The following TYW1B variants were observed in gnomAD, a reference collection of about 807,000 sequenced individuals.
The protein encoded by TYW1B is S-adenosyl-L-methionine-dependent tRNA 4-demethylwyosine synthase TYW1B.
TYW1B carries 73 observed loss-of-function variants against 86.9 expected under a neutral mutation model. The ratio of observed to expected loss-of-function variants is 0.84; its 90% confidence interval spans 0.70 to 1.02. The LOEUF is 1.02. Among genes scored for constraint, TYW1B ranks in the 50% least tolerant of loss-of-function variants. The pLI, the probability that TYW1B is intolerant of heterozygous loss-of-function variation, is 0.00. For synonymous variants in TYW1B, 248 were observed against 292.8 expected (o/e 0.85, Z 1.56); for missense variants, 637 against 827.4 (o/e 0.77, Z 2.82).
intron 13 of TYW1B, among the ~76,000 whole-genome samples, chr7:72,588,038 G>A (rs774650096): frequency 1.1e-4 from 17 of 152,146 alleles, no homozygotes; most frequent in Admixed American, 2.0e-4. Flanking sequence ...TCTTCTTTGG[G>A]TAAGAAGAGG....
intron 2 of TYW1B, among the ~76,000 whole-genome samples, chr7:72,816,740 T>C (rs1437732801): frequency 9.2e-5 from 14 of 152,130 alleles, no homozygotes; most frequent in African/African-American, 3.4e-4. Flanking sequence ...TAATCAATAG[T>C]GCCTATGTAA....
intron 13 of TYW1B, among the ~76,000 whole-genome samples, chr7:72,586,928 T>C (rs1375257095): frequency 6.6e-6 from 1 of 152,032 alleles, no homozygotes; most frequent in Non-Finnish European, 1.5e-5. Flanking sequence ...TCAAAGGCCA[T>C]ATATAATAGA....
At chr7:72,584,551 G>A (rs529298048) in intron 13 of TYW1B, among the ~76,000 whole-genome samples, 70 of 151,928 alleles carry the variant, frequency 4.6e-4, no homozygotes, top group African/African-American at 1.6e-3. Flanking sequence ...TGCCTCCCAG[G>A]TTCAAGAGAT....
intron 11 of TYW1B, among the ~76,000 whole-genome samples, chr7:72,648,149 T>C (rs1812975625): frequency 6.6e-6 from 1 of 152,150 alleles, no homozygotes; most frequent in African/African-American, 2.4e-5. Context: ...TGTATACATA[T>C]ACACTTTTTA....
At chr7:72,720,206 T>C (rs1401652270) in intron 9 of TYW1B, among the ~76,000 whole-genome samples, 2 of 152,152 alleles carry the variant, frequency 1.3e-5, no homozygotes, top group African/African-American at 4.8e-5. Flanking sequence ...TTCTACAAAG[T>C]GTTTGGCTCC....
chr7:72,632,911 G>A (rs1812577277), intron 11 of TYW1B, among the ~76,000 whole-genome samples: 1 of 152,140 alleles, frequency 6.6e-6, no homozygotes, highest in South Asian at 2.1e-4. Context: ...CAGCAAAGCT[G>A]GGGTGTGAAC....
Position 72,713,625 on chromosome 7 carries a change from T to C in TYW1B, c.1366A>G (p.Ile456Val). The C allele has an allele frequency of 6.2e-7, 1 of 1,613,252 alleles. No homozygotes were observed. The highest frequency in any genetic ancestry group is 8.5e-7 in the Non-Finnish European group (1 of 1,179,602). The part of the protein sequence containing the change: ...LVTNAQFPAE[I>V]RNLEPVTQLY... Reference sequence around the variant, plus strand: ...TCCATAGGCTGGAGAACTCACCTGATTTCCGCAGGAAATTGTGCATTTGTG... The same window carrying C: ...TCCATAGGCTGGAGAACTCACCTGACTTCCGCAGGAAATTGTGCATTTGTG... Residue 456 changes from isoleucine (I) to valine (V), a missense_variant, in exon 10 of 14, where the codon ATC becomes GTC. Coordinates refer to ENST00000620995, the MANE Select transcript of TYW1B (RefSeq NM_001145440.3).
At chr7:72,618,888 TTG>T (rs2129568462) in intron 12 of TYW1B, among the ~76,000 whole-genome samples, 1 of 152,246 alleles carries the variant, frequency 6.6e-6, no homozygotes, top group East Asian at 1.9e-4. Context: ...CTCCCTCTGC[TTG>T]TGAGATTTAA....
intron 7 of TYW1B, among the ~76,000 whole-genome samples, chr7:72,761,601 A>AC (rs1787686374): frequency 6.6e-6 from 1 of 151,538 alleles, no homozygotes; most frequent in Non-Finnish European, 1.5e-5. Context: ...AAAAAAAAAA[A>AC]AATTAAAGTT....
intron 3 of TYW1B, among the ~76,000 whole-genome samples, chr7:72,812,792 T>C (rs1475614614): frequency 2.7e-5 from 4 of 150,414 alleles, no homozygotes; most frequent in Non-Finnish European, 4.4e-5. Context: ...ACCTCCCGAG[T>C]TTAAGCAATT....
intron 13 of TYW1B, among the ~76,000 whole-genome samples, chr7:72,584,755 C>T (rs1264016592): frequency 1.3e-5 from 2 of 152,126 alleles, no homozygotes; most frequent in East Asian, 3.9e-4. Flanking sequence ...CGCACCCGGC[C>T]TATATTCCAA....
rs186915560 is a variant in TYW1B at position 72,654,594 on chromosome 7, T to C, written c.1507-25597A>G. On this transcript the variant is annotated intron_variant, in intron 11 of 13. Coordinates refer to ENST00000620995, the MANE Select transcript of TYW1B (RefSeq NM_001145440.3). ...TATGAATTTTATGTATTAATACTGG[T>C]TATAGGCCGGGCACGGTGGCTCACG... Among the ~76,000 whole-genome samples the C allele has an allele frequency of 1.6e-4, 25 of 152,296 alleles. No individual in the cohort carries two copies. In the East Asian group the frequency reaches 4.8e-3, roughly 29 times the overall value.
At chr7:72,639,788 C>T (rs1812759675) in intron 11 of TYW1B, among the ~76,000 whole-genome samples, 1 of 151,058 alleles carries the variant, frequency 6.6e-6, no homozygotes, top group African/African-American at 2.4e-5. Flanking sequence ...ATCACTTGAA[C>T]TCAGGAGGCA....
At chr7:72,721,205 A>G (rs1480247813) in intron 9 of TYW1B, among the ~76,000 whole-genome samples, 6 of 152,312 alleles carry the variant, frequency 3.9e-5, no homozygotes, top group Middle Eastern at 3.4e-3. Flanking sequence ...TGCAACAAAC[A>G]TACGTGTACA....
At chr7:72,806,236 G>T (rs1332601266) in intron 5 of TYW1B, among the ~76,000 whole-genome samples, 9 of 93,066 alleles carry the variant, frequency 9.7e-5, no homozygotes, top group African/African-American at 1.6e-4. Flanking sequence ...TGTGTGTGTG[G>T]GTTTTTTTTT....
intron 11 of TYW1B, among the ~76,000 whole-genome samples, chr7:72,649,064 C>T (rs1812999817): frequency 6.6e-6 from 1 of 152,076 alleles, no homozygotes; most frequent in South Asian, 2.1e-4. Flanking sequence ...AGGGTGCTTA[C>T]TGACATTTTG....
intron 13 of TYW1B, among the ~76,000 whole-genome samples, chr7:72,586,628 G>A (rs540213154): frequency 2.0e-5 from 3 of 152,092 alleles, no homozygotes; most frequent in Non-Finnish European, 4.4e-5. Flanking sequence ...TCCCAGCTAC[G>A]TAGGAGGCTG....
intron 7 of TYW1B, among the ~76,000 whole-genome samples, chr7:72,761,988 A>G (rs1220949627): frequency 6.6e-6 from 1 of 152,152 alleles, no homozygotes; most frequent in African/African-American, 2.4e-5. Context: ...TAATTAAAAG[A>G]GATTGTTTAT....
intron 11 of TYW1B, among the ~76,000 whole-genome samples, chr7:72,666,499 TAC>T (rs1450322645): frequency 1.3e-5 from 2 of 151,844 alleles, no homozygotes; most frequent in African/African-American, 4.8e-5. Context: ...CTACTTGAAA[TAC>T]AGTGGGCAGC....
Sources: allele counts gnomAD v4.1 joint callset (sites outside exome capture counted in the v4.1 genomes callset), GRCh38; gene constraint gnomAD v4.1.1; transcripts MANE v1.5; gene names NCBI Gene and HGNC (gene_info 2026-07-23, HGNC 2026-07-21).